Variants in PLAGL1 observed in about 807,000 individuals in gnomAD.
PLAGL1 encodes zinc finger protein PLAGL1.
PLAGL1 carries 1 observed loss-of-function variant against 4.6 expected under a neutral mutation model. That is an observed-to-expected ratio of 0.22 (90% CI 0.08 to 1.03). The LOEUF (loss-of-function observed/expected upper bound fraction) is 1.03, where lower values mean the gene tolerates loss of function less well. Ranked by LOEUF, PLAGL1 falls within the 50% of genes least tolerant of loss-of-function variation. PLAGL1 has a pLI of 0.58. For synonymous variants in PLAGL1, 240 were observed against 237.8 expected (o/e 1.01, Z -0.08); for missense variants, 464 against 570.4 (o/e 0.81, Z 1.90).
chr6:143,989,861 C>G lies in PLAGL1; in HGVS notation c.-583-4687G>C, dbSNP rs1340479588. On this transcript the variant is annotated intron_variant, in intron 1 of 7. Transcript: ENST00000674357. The surrounding 1 kb of genome is among the most constrained non-coding windows in gnomAD (Gnocchi z 4.8). ...TCCTATCTTCCAATTGCCTTCCCCA[C>G]TCCTAATACTTAACACATAACATCT... 6.6e-6 allele frequency among the ~76,000 whole-genome samples: 1 copy of G among 152,182 alleles called. No individual in the cohort carries two copies. The highest frequency in any genetic ancestry group is 2.4e-5 in the African/African-American group (1 of 41,440).
chr6:144,029,395 T>C lies in PLAGL1; in HGVS notation c.-151+35073A>G, dbSNP rs1796627661. On this transcript the variant is annotated intron_variant, in intron 1 of 3. Coordinates refer to the PLAGL1 transcript ENST00000437412. The stretch of plus-strand genomic sequence containing the variant: ...GATGGGGTGGGAGCAGGGGTAACTG[T>C]GATTCACAATAAAGGGCTAATTTCC... Among the ~76,000 whole-genome samples, 4 of 152,164 alleles carry C rather than the reference T, an allele frequency of 2.6e-5. No individual in the cohort carries two copies. The South Asian group carries it at 8.3e-4, about 31-fold the overall frequency.
In PLAGL1 at chr6:143,941,861, T is replaced by G. The variant is rs778643791; in HGVS notation, c.955A>C (p.Lys319Gln). Residue 319 changes from lysine (K) to glutamine (Q), a missense_variant, in exon 8 of 8, where the codon AAA (lysine) becomes CAA (glutamine). Coordinates refer to ENST00000674357, the MANE Select transcript of PLAGL1 (RefSeq NM_001317162.2). This position sits in a 1 kb window ranked among gnomAD's most constrained non-coding sequence, Gnocchi z 6.0. ...SYSPLASLPL[K>Q]ADTKGFCNIS... The stretch of plus-strand genomic sequence containing the variant: ...TTGCAAAAACCTTTAGTATCTGCTT[T>G]GAGGGGCAGGCTTGCAAGTGGGGAG... 1 of 1,614,072 alleles carries G rather than the reference T, an allele frequency of 6.2e-7. No individual in the cohort carries two copies. Among genetic ancestry groups the G allele is most frequent in the African/African-American group, 1.3e-5 (1 of 74,924 alleles).
rs1371034629 is a variant in PLAGL1, at chr6:143,962,459, C to T, written c.-398-1917G>A. ...AATCACATTTTTGTGGGAGTGAAGACTGGCAGATGGTAAACAGATTAGTTA... is the reference window on the plus strand; with the variant it reads ...AATCACATTTTTGTGGGAGTGAAGATTGGCAGATGGTAAACAGATTAGTTA... On this transcript the variant is annotated intron_variant, in intron 5 of 7. Coordinates refer to ENST00000674357, the MANE Select transcript of PLAGL1 (RefSeq NM_001317162.2). The surrounding 1 kb of genome is among the most constrained non-coding windows in gnomAD (Gnocchi z 5.3). Among the ~76,000 whole-genome samples the T allele has an allele frequency of 6.6e-6, 1 of 152,116 alleles. No individual in the cohort carries two copies. Among genetic ancestry groups the T allele is most frequent in the African/African-American group, 2.4e-5 (1 of 41,426 alleles).
At chr6:144,031,979 T>C (rs1796866287) in intron 1 of PLAGL1, among the ~76,000 whole-genome samples, 1 of 152,216 alleles carries the variant, frequency 6.6e-6, no homozygotes, top group African/African-American at 2.4e-5. Flanking sequence ...TACCTATGCA[T>C]GAGCATGGGA....
chr6:143,958,694 T>TAG lies in PLAGL1; in HGVS notation c.-325+1774_-325+1775insCT, dbSNP rs1782701181. On this transcript the variant is annotated intron_variant, in intron 6 of 7. Coordinates refer to ENST00000674357, the MANE Select transcript of PLAGL1 (RefSeq NM_001317162.2). This position sits in a 1 kb window ranked among gnomAD's most constrained non-coding sequence, Gnocchi z 5.1. ...AATAAAAATATTTATCACTGGTCCT[T>TAG]TAAGATTATCCTGATTCTTGATTTT... Among the ~76,000 whole-genome samples the TAG allele has an allele frequency of 6.6e-6, 1 of 152,226 alleles. No individual in the cohort carries two copies.
rs1799408980 is a variant in PLAGL1 at position 144,061,640 on chromosome 6, A to C, written c.-151+2828T>G. On this transcript the variant is annotated intron_variant, in intron 1 of 3. Transcript: ENST00000437412. The surrounding 1 kb of genome is among the most constrained non-coding windows in gnomAD (Gnocchi z 4.4). Reference sequence around the variant, plus strand: ...TCCCTCTATATTTTGAAATAACTTTAAAACTACAAATCTATACAGTTTTAT... The same window carrying C: ...TCCCTCTATATTTTGAAATAACTTTCAAACTACAAATCTATACAGTTTTAT... 6.6e-6 allele frequency among the ~76,000 whole-genome samples: 1 copy of C among 152,236 alleles called. No homozygotes were observed. Among genetic ancestry groups the C allele is most frequent in the African/African-American group, 2.4e-5 (1 of 41,460 alleles).
Position 143,985,982 on chromosome 6 carries a change from T to TTATATATATATATA in PLAGL1, c.-583-822_-583-809dup, listed in dbSNP as rs55768066. Among the ~76,000 whole-genome samples the TTATATATATATATA allele has an allele frequency of 0.022, 2,399 of 111,346 alleles. 144 individuals are homozygous for TTATATATATATATA. Among genetic ancestry groups the TTATATATATATATA allele is most frequent in the South Asian group, 0.034 (114 of 3,312 alleles). The allele number at this position is 111,346 out of a possible 152,430, so 73.0% of individuals were successfully genotyped here. A position where few individuals can be genotyped will look rare whatever the true frequency, so the allele number is the denominator to read the frequency against. On this transcript the variant is annotated intron_variant, in intron 1 of 7. Coordinates refer to ENST00000674357, the MANE Select transcript of PLAGL1 (RefSeq NM_001317162.2). The surrounding 1 kb of genome is among the most constrained non-coding windows in gnomAD (Gnocchi z 4.4). The stretch of plus-strand genomic sequence containing the variant: ...TATATCAAATTATATATATATAAAA[T>TTATATATATATATA]TATATATATATATATATATATATAT...
intron 1 of PLAGL1, among the ~76,000 whole-genome samples, chr6:144,014,110 G>A (rs939667896): frequency 9.2e-5 from 14 of 152,072 alleles, no homozygotes; most frequent in African/African-American, 1.7e-4. Context: ...TGATTTTTAC[G>A]CCTACTATAA....
rs891165960 is a variant in PLAGL1 at position 143,978,592 on chromosome 6, T to G, written c.-544+6543A>C. 1.3e-5 allele frequency among the ~76,000 whole-genome samples: 2 copies of G among 152,206 alleles called. No individual in the cohort carries two copies. The highest frequency in any genetic ancestry group is 2.9e-5 in the Non-Finnish European group (2 of 68,024). On this transcript the variant is annotated intron_variant, in intron 2 of 7. Coordinates refer to ENST00000674357, the MANE Select transcript of PLAGL1 (RefSeq NM_001317162.2). The surrounding 1 kb of genome is among the most constrained non-coding windows in gnomAD (Gnocchi z 4.6). ...TTTTCAATGTCTCAGGATGTGCCCC[T>G]GGGTTATTTGGAAGTGTGATGTTCA...
chr6:143,974,512 C>T (rs913810253), intron 2 of PLAGL1, among the ~76,000 whole-genome samples: 3 of 151,860 alleles, frequency 2.0e-5, no homozygotes, highest in African/African-American at 7.3e-5. Flanking sequence ...AAAAGACATT[C>T]CCTTATATTC....
Position 144,048,820 on chromosome 6 carries a change from C to T in PLAGL1, c.-151+15648G>A, listed in dbSNP as rs1305127054. On this transcript the variant is annotated intron_variant, in intron 1 of 3. Coordinates refer to the PLAGL1 transcript ENST00000437412. This position sits in a 1 kb window ranked among gnomAD's most constrained non-coding sequence, Gnocchi z 4.8. ...TCCTCATTACTCATGCAAATTTCTG[C>T]AGCTGGCTTGAATTCCTCCTTAAGA... Among the ~76,000 whole-genome samples, 4 of 152,244 alleles carry T rather than the reference C, an allele frequency of 2.6e-5. No homozygotes were observed. The highest frequency in any genetic ancestry group is 9.6e-5 in the African/African-American group (4 of 41,470).
chr6:144,051,888 CAT>C (rs1293111103), intron 1 of PLAGL1, among the ~76,000 whole-genome samples: 3 of 152,212 alleles, frequency 2.0e-5, no homozygotes, highest in Admixed American at 1.3e-4. Flanking sequence ...ACTCCCACGA[CAT>C]GTGGGAATTG....
Position 144,039,936 on chromosome 6 carries a change from T to C in PLAGL1, c.-151+24532A>G, listed in dbSNP as rs1797595293. 6.6e-6 allele frequency among the ~76,000 whole-genome samples: 1 copy of C among 152,232 alleles called. No individual in the cohort carries two copies. Among genetic ancestry groups the C allele is most frequent in the South Asian group, 2.1e-4 (1 of 4,830 alleles). Reference sequence around the variant, plus strand: ...ATGCCAATAAAAATGGATGAAATTATAGTTAGGTTCAAAAGGCAAGCCTCC... The same window carrying C: ...ATGCCAATAAAAATGGATGAAATTACAGTTAGGTTCAAAAGGCAAGCCTCC... On this transcript the variant is annotated intron_variant, in intron 1 of 3. Transcript: ENST00000437412. This position sits in a 1 kb window ranked among gnomAD's most constrained non-coding sequence, Gnocchi z 4.1.
intron 1 of PLAGL1, among the ~76,000 whole-genome samples, chr6:144,024,026 C>T (rs888332880): frequency 5.4e-4 from 82 of 152,212 alleles, no homozygotes; most frequent in African/African-American, 1.9e-3. Flanking sequence ...ATTGGCCCGC[C>T]TCACCCTCCC....
rs751959497 is a variant in PLAGL1 at position 143,963,327 on chromosome 6, C to T, written c.-399+1460G>A. ...ACATCTACCTCCCTCCCGCAGCTCTCGGGATACCTTGCAGTGCCCCTTCAA... is the reference window on the plus strand; with the variant it reads ...ACATCTACCTCCCTCCCGCAGCTCTTGGGATACCTTGCAGTGCCCCTTCAA... On this transcript the variant is annotated intron_variant, in intron 5 of 7. Coordinates refer to ENST00000674357, the MANE Select transcript of PLAGL1 (RefSeq NM_001317162.2). This position sits in a 1 kb window ranked among gnomAD's most constrained non-coding sequence, Gnocchi z 6.1. 6.6e-6 allele frequency among the ~76,000 whole-genome samples: 1 copy of T among 152,208 alleles called. No individual in the cohort carries two copies. Among genetic ancestry groups the T allele is most frequent in the Admixed American group, 6.5e-5 (1 of 15,288 alleles).
Position 143,997,852 on chromosome 6 carries a change from G to A in PLAGL1, c.-584+10238C>T, listed in dbSNP as rs1792005412. Among the ~76,000 whole-genome samples, 1 of 152,260 alleles carries A rather than the reference G, an allele frequency of 6.6e-6. No homozygotes were observed. The highest frequency in any genetic ancestry group is 2.1e-4 in the South Asian group (1 of 4,820). ...CTTGCTCTTGAATGTGGTTACACAG[G>A]TGTGCGTATGTGTGTGTGTGTATAA... On this transcript the variant is annotated intron_variant, in intron 1 of 7. Coordinates refer to ENST00000674357, the MANE Select transcript of PLAGL1 (RefSeq NM_001317162.2). The surrounding 1 kb of genome is among the most constrained non-coding windows in gnomAD (Gnocchi z 4.6).
At chr6:144,028,436 C>CT (rs1210037006) in intron 1 of PLAGL1, among the ~76,000 whole-genome samples, 1 of 152,096 alleles carries the variant, frequency 6.6e-6, no homozygotes, top group African/African-American at 2.4e-5. Flanking sequence ...AAAAAAGACT[C>CT]TGTCAAGTGT....
intron 1 of PLAGL1, among the ~76,000 whole-genome samples, chr6:144,033,025 T>G (rs1337018083): frequency 6.6e-6 from 1 of 152,242 alleles, no homozygotes; most frequent in African/African-American, 2.4e-5. Flanking sequence ...CACACAGATT[T>G]AGGTCACTTA....
rs1279544253 is a variant in PLAGL1 at position 143,995,127 on chromosome 6, T to G, written c.-583-9953A>C. Among the ~76,000 whole-genome samples the G allele has an allele frequency of 9.4e-6, 1 of 106,130 alleles. No individual in the cohort carries two copies. The highest frequency in any genetic ancestry group is 3.4e-5 in the African/African-American group (1 of 28,992). 69.6% of individuals were successfully genotyped at this position (106,130 alleles called of 152,430 possible). On this transcript the variant is annotated intron_variant, in intron 1 of 7. Coordinates refer to ENST00000674357, the MANE Select transcript of PLAGL1 (RefSeq NM_001317162.2). The surrounding 1 kb of genome is among the most constrained non-coding windows in gnomAD (Gnocchi z 4.4). ...CTTTCTCAGCCAAAATTTTCTTATT[T>G]GTACAAAGGAGATAAAACTATTCTC...
Sources: allele counts gnomAD v4.1 joint callset (sites outside exome capture counted in the v4.1 genomes callset), GRCh38; gene constraint gnomAD v4.1.1; non-coding constraint Gnocchi (gnomAD v3.1); transcripts MANE v1.5; gene names NCBI Gene and HGNC (gene_info 2026-07-23, HGNC 2026-07-21).